Variants in DCLK2 observed in about 807,000 individuals in gnomAD.
The protein encoded by DCLK2 is doublecortin like kinase 2.
Under a neutral mutation model 78.4 loss-of-function variants are expected in DCLK2, and 31 were observed. The ratio of observed to expected loss-of-function variants is 0.40; its 90% CI spans 0.30 to 0.53. The LOEUF (loss-of-function observed/expected upper bound fraction) is 0.53. Among genes scored for constraint, DCLK2 ranks in the 20% least tolerant of loss-of-function variants. DCLK2 has a pLI of 0.61. For synonymous variants in DCLK2, 407 were observed against 374.9 expected (o/e 1.09, Z -0.99); for missense variants, 872 against 973.7 (o/e 0.90, Z 1.39).
chr4:150,211,468 A>C (rs77103090), intron 5 of DCLK2, among the ~76,000 whole-genome samples: 5,545 of 152,182 alleles, frequency 0.036, 329 homozygotes, highest in African/African-American at 0.12. Context: ...GAGAAACGGG[A>C]GCTGGGGCTC....
intron 13 of DCLK2, 34 bp downstream of exon 13, chr4:150,247,733 A>C (rs201493099): frequency 6.4e-7 from 1 of 1,570,668 alleles, no homozygotes; most frequent in East Asian, 2.2e-5. Flanking sequence ...GGGTTGTATT[A>C]CGTTGTGGGG....
intron 6 of DCLK2, 28 bp from the exon 7 acceptor site, chr4:150,221,649 T>C: frequency 6.8e-7 from 1 of 1,465,590 alleles, no homozygotes; most frequent in Non-Finnish European, 9.4e-7. Flanking sequence ...GATGTTTTCT[T>C]TAGAATTTGC....
intron 2 of DCLK2, among the ~76,000 whole-genome samples, chr4:150,128,023 T>C (rs1397972193): frequency 2.6e-5 from 4 of 151,688 alleles, no homozygotes; most frequent in Non-Finnish European, 5.9e-5. Context: ...AGAAATTCGA[T>C]GACTGCGTGA....
At position 150,239,826 on chromosome 4, in the gene DCLK2, G is replaced by A; in HGVS notation, c.1651G>A (p.Val551Ile). ...ATVVEGPLYT[V>I]CGTPTYVAPE... ...TGTGGTAGAAGGCCCTTTATACACA[G>A]TCTGTGGCACACCCACTTATGTGGC... Residue 551 changes from valine (V) to isoleucine (I), a missense_variant, in exon 11 of 16, where the codon GTC (valine) becomes ATC (isoleucine). Physicochemically the swap from Val to Ile is conservative, Grantham distance 29. This residue lies in a region of DCLK2 where 86 missense variants were observed against 150.3 expected (regional missense o/e 0.57). Coordinates refer to ENST00000296550, the MANE Select transcript of DCLK2 (RefSeq NM_001040260.4). 6.2e-7 allele frequency: 1 copy of A among 1,614,218 alleles called. No homozygotes were observed. Among genetic ancestry groups the A allele is most frequent in the Non-Finnish European group, 8.5e-7 (1 of 1,180,046 alleles).
At chr4:150,250,966 A>ACCC (rs1363351691) in intron 15 of DCLK2, among the ~76,000 whole-genome samples, 130 of 420 alleles carry the variant, frequency 0.31, 44 homozygotes, top group Middle Eastern at 1. Flanking sequence ...CACCCCCCAC[A>ACCC]CCACACATCC....
intron 15 of DCLK2, among the ~76,000 whole-genome samples, chr4:150,252,756 T>C (rs556664794): frequency 1.3e-5 from 2 of 152,316 alleles, no homozygotes; most frequent in Non-Finnish European, 2.9e-5. Flanking sequence ...TTGTAAATGT[T>C]GTATGTTTAT....
At chr4:150,255,312 A>C (rs1278993476) in intron 15 of DCLK2, among the ~76,000 whole-genome samples, 4 of 152,220 alleles carry the variant, frequency 2.6e-5, no homozygotes, top group African/African-American at 9.6e-5. Flanking sequence ...ACAAGCAGGA[A>C]ATAGAGAAGG....
At chr4:150,081,901 G>C (rs1242996295) in intron 1 of DCLK2, among the ~76,000 whole-genome samples, 6 of 149,240 alleles carry the variant, frequency 4.0e-5, no homozygotes, top group Non-Finnish European at 7.4e-5. Flanking sequence ...AGGAGGCTGA[G>C]ACAGGAGAAT....
intron 5 of DCLK2, among the ~76,000 whole-genome samples, chr4:150,206,056 C>A (rs1310872236): frequency 6.6e-6 from 1 of 152,168 alleles, no homozygotes; most frequent in Non-Finnish European, 1.5e-5. Flanking sequence ...CCAATATTGT[C>A]ATTTTCTGTT....
intron 3 of DCLK2, 114 bp downstream of exon 3, chr4:150,193,354 G>A: frequency 1.8e-6 from 1 of 563,856 alleles, no homozygotes; most frequent in Non-Finnish European, 3.1e-6. Context: ...GTTGAGGAAA[G>A]ATAGCATTGG....
At chr4:150,240,646 G>A (rs1248108173) in intron 12 of DCLK2, among the ~76,000 whole-genome samples, 170 bp downstream of exon 12, 4 of 151,174 alleles carry the variant, frequency 2.6e-5, no homozygotes, top group African/African-American at 4.9e-5. Flanking sequence ...TATACCTAAT[G>A]CTAGATGACG....
At chr4:150,183,250 G>A (rs112678078) in intron 2 of DCLK2, among the ~76,000 whole-genome samples, 1,913 of 152,184 alleles carry the variant, frequency 0.013, 11 homozygotes, top group Non-Finnish European at 0.019. Context: ...AAATAGCCGT[G>A]GAAAATATCT....
chr4:150,251,790 C>T (rs1225960587), intron 15 of DCLK2, among the ~76,000 whole-genome samples: 1 of 143,898 alleles, frequency 6.9e-6, no homozygotes, highest in Non-Finnish European at 1.5e-5. Flanking sequence ...GCATGCAGCA[C>T]TCTGTTATAT....
At chr4:150,207,193 A>G (rs186531291) in intron 5 of DCLK2, among the ~76,000 whole-genome samples, 1 of 152,202 alleles carries the variant, frequency 6.6e-6, no homozygotes, top group African/African-American at 2.4e-5. Flanking sequence ...CAGAGAATTG[A>G]TAAAAGCAAG....
chr4:150,166,813 T>C (rs1736121241), intron 2 of DCLK2, among the ~76,000 whole-genome samples: 1 of 152,168 alleles, frequency 6.6e-6, no homozygotes, highest in Admixed American at 6.5e-5. Context: ...TGCTGGTCCT[T>C]TTCTGATTAG....
At chr4:150,091,634 G>A (rs74429768) in intron 1 of DCLK2, among the ~76,000 whole-genome samples, 5,958 of 152,240 alleles carry the variant, frequency 0.039, 238 homozygotes, top group Admixed American at 0.085. Flanking sequence ...GTGTTAGGCA[G>A]TTACTGGACA....
chr4:150,214,609 C>G (rs1740541776), intron 5 of DCLK2, among the ~76,000 whole-genome samples: 1 of 152,112 alleles, frequency 6.6e-6, no homozygotes, highest in Non-Finnish European at 1.5e-5. Context: ...CAAAGAGTTG[C>G]CACAGAGAAC....
At position 150,162,458 on chromosome 4, in the gene DCLK2, G is replaced by A. The variant is rs114639092; in HGVS notation, c.757-30680G>A. ...GTAGTATTATCTTCCATATATATTTGTATAACTTTCCTCATAAAATTTCCA... is the reference window on the plus strand; with the variant it reads ...GTAGTATTATCTTCCATATATATTTATATAACTTTCCTCATAAAATTTCCA... On this transcript the variant is annotated intron_variant, in intron 2 of 15. Transcript: ENST00000296550. 7.7e-3 allele frequency among the ~76,000 whole-genome samples: 1,178 copies of A among 152,198 alleles called. 16 individuals are homozygous for A. Among genetic ancestry groups the A allele is most frequent in the African/African-American group, 0.027 (1,104 of 41,518 alleles).
intron 2 of DCLK2, among the ~76,000 whole-genome samples, chr4:150,189,921 C>T (rs550412627): frequency 1.2e-4 from 18 of 151,428 alleles, no homozygotes; most frequent in Non-Finnish European, 4.4e-5. Flanking sequence ...GCTGTGGGTG[C>T]CTGTAAATCC....
Sources: allele counts gnomAD v4.1 joint callset (sites outside exome capture counted in the v4.1 genomes callset), GRCh38; gene constraint gnomAD v4.1.1; regional missense constraint gnomAD v4.1.1; transcripts MANE v1.5; gene names NCBI Gene and HGNC (gene_info 2026-07-23, HGNC 2026-07-21).